The following NHSL1 variants were observed in gnomAD, a reference collection of about 807,000 sequenced individuals.
The protein encoded by NHSL1 is NHS like 1.
Under a neutral mutation model 95.0 loss-of-function variants are expected in NHSL1, and 48 were observed. That is an observed-to-expected ratio of 0.51 (90% CI 0.40 to 0.64). The LOEUF is 0.64. Among genes scored for constraint, NHSL1 ranks in the 30% least tolerant of loss-of-function variants. The probability of loss-of-function intolerance (pLI) is 0.00; values close to 1 mark genes in which losing one functional copy is unlikely to be tolerated. For missense variants in NHSL1, 1,971 were observed against 2,077.7 expected (o/e 0.95, Z 1.00); for synonymous variants, 783 against 833.9 (o/e 0.94, Z 1.05).
intron 2 of NHSL1, among the ~76,000 whole-genome samples, chr6:138,483,125 G>T (rs1254969431): frequency 6.6e-6 from 1 of 152,196 alleles, no homozygotes; most frequent in Non-Finnish European, 1.5e-5. Context: ...AAATTAAAGG[G>T]ATCAACATGA....
intron 1 of NHSL1, among the ~76,000 whole-genome samples, chr6:138,633,581 G>A (rs1302163102): frequency 1.3e-5 from 2 of 152,162 alleles, no homozygotes; most frequent in African/African-American, 2.4e-5. Flanking sequence ...AGTATACCTG[G>A]TGAAATATTC....
upstream of NHSL1, among the ~76,000 whole-genome samples, chr6:138,549,778 T>TA (rs1273666738): frequency 6.6e-6 from 1 of 152,182 alleles, no homozygotes; most frequent in Non-Finnish European, 1.5e-5. Context: ...CCCTTGTACT[T>TA]ACTGCAGCAA....
intron 1 of NHSL1, among the ~76,000 whole-genome samples, chr6:138,663,057 C>T (rs1406914210): frequency 3.7e-5 from 1 of 27,236 alleles, no homozygotes; most frequent in Non-Finnish European, 5.5e-5. Flanking sequence ...TCACCGAACT[C>T]ACGGCAAAAA....
intron 1 of NHSL1, among the ~76,000 whole-genome samples, chr6:138,498,307 G>A (rs764199126): frequency 2.2e-4 from 34 of 151,944 alleles, no homozygotes; most frequent in Non-Finnish European, 4.1e-4. Flanking sequence ...TCGCACCATC[G>A]GCCCCACTGC....
chr6:138,460,612 C>T (rs7762523), intron 3 of NHSL1, among the ~76,000 whole-genome samples: 20,552 of 151,412 alleles, frequency 0.14, 1,426 homozygotes, highest in Middle Eastern at 0.17. Flanking sequence ...GCAAATACTA[C>T]ATCATCTGAT....
rs1775063347 is a variant in NHSL1, at chr6:138,423,826, A to AAAAAAAAAAAAAAAAC, written c.*254_*255insGTTTTTTTTTTTTTTT. On this transcript the variant is annotated 3_prime_UTR_variant, in exon 8 of 8. Transcript: ENST00000343505. ...CACCCAGCATTTAGCAAAAAAAAAAAAAAAAAAAAAAAATCTTCCCCGGGA... is the reference window on the plus strand; with the variant it reads ...CACCCAGCATTTAGCAAAAAAAAAAAAAAAAAAAAAAAAAACAAAAAAAAAAAAATCTTCCCCGGGA... 3.1e-6 allele frequency: 1 copy of AAAAAAAAAAAAAAAAC among 322,642 alleles called. No individual in the cohort carries two copies. Among genetic ancestry groups the AAAAAAAAAAAAAAAAC allele is most frequent in the African/African-American group, 2.1e-5 (1 of 46,512 alleles). 20.0% of individuals were successfully genotyped at this position (322,642 alleles called of 1,614,324 possible).
chr6:138,586,970 C>T (rs1319378177), intron 1 of NHSL1, among the ~76,000 whole-genome samples: 1 of 151,324 alleles, frequency 6.6e-6, no homozygotes, highest in Non-Finnish European at 1.5e-5. Flanking sequence ...TCTCGTTGGG[C>T]GCGTGTGTTT....
At chr6:138,555,218 T>C (rs1783153125) in intron 1 of NHSL1, among the ~76,000 whole-genome samples, 1 of 152,212 alleles carries the variant, frequency 6.6e-6, no homozygotes, top group African/African-American at 2.4e-5. Flanking sequence ...ACCTCTCTCT[T>C]TCTCTTTCTC....
rs1219864635 is a variant in NHSL1, at chr6:138,447,146, TCTC to T, written c.384_386del (p.Arg129del). On this transcript the variant is annotated inframe_deletion, in exon 4 of 8. Transcript: ENST00000343505. Reference sequence around the variant, plus strand: ...AGTCACTTGAGGCTGGTGTTTTAGGTCTCCTGATGGAAATAAATCTTTCTTCTT... The same window carrying T: ...AGTCACTTGAGGCTGGTGTTTTAGGTCTGATGGAAATAAATCTTTCTTCTT... 6.4e-7 allele frequency: 1 copy of T among 1,551,626 alleles called. No homozygotes were observed. The highest frequency in any genetic ancestry group is 2.4e-5 in the East Asian group (1 of 40,926).
chr6:138,525,316 G>A (rs942267846), intron 1 of NHSL1, among the ~76,000 whole-genome samples: 6 of 151,980 alleles, frequency 3.9e-5, no homozygotes, highest in Non-Finnish European at 7.4e-5. Context: ...TCTTGAGCCC[G>A]GGAGTTGGAG....
intron 1 of NHSL1, among the ~76,000 whole-genome samples, chr6:138,578,725 C>G (rs1490526859): frequency 6.6e-6 from 1 of 151,882 alleles, no homozygotes; most frequent in African/African-American, 2.4e-5. Flanking sequence ...GTATTAAGCA[C>G]TTAAAATCAT....
chr6:138,528,370 A>T (rs1781998974), intron 1 of NHSL1, among the ~76,000 whole-genome samples: 3 of 152,194 alleles, frequency 2.0e-5, no homozygotes, highest in Admixed American at 2.0e-4. Context: ...ATATGAGTTG[A>T]CAACTGTACC....
chr6:138,500,657 C>T (rs192764227), upstream of NHSL1, among the ~76,000 whole-genome samples: 1 of 151,250 alleles, frequency 6.6e-6, no homozygotes, highest in Non-Finnish European at 1.5e-5. Context: ...ATATAAGGGG[C>T]TCTGTCTAGG....
Position 138,424,480 on chromosome 6 carries a change from C to T in NHSL1, c.4422G>A (p.Arg1474=). 6.4e-7 allele frequency: 1 copy of T among 1,551,620 alleles called. No homozygotes were observed. Among genetic ancestry groups the T allele is most frequent in the Non-Finnish European group, 8.7e-7 (1 of 1,146,966 alleles). The change falls in exon 8 of 8, where the codon AGG becomes AGA. Residue 1474 remains arginine (R), a synonymous_variant. Transcript: ENST00000343505. This position sits in a 1 kb window ranked among gnomAD's most constrained non-coding sequence, Gnocchi z 5.9. Reference sequence around the variant, plus strand: ...CGTTCTTGGCCCACTCCTCCTGCGCCCTTCTGTTCTTGCTTGGGGAGCAGC... The same window carrying T: ...CGTTCTTGGCCCACTCCTCCTGCGCTCTTCTGTTCTTGCTTGGGGAGCAGC... ...PSSCSPSKNR[R]AQEEWAKNEG...
At chr6:138,522,709 G>T (rs759437205) in intron 1 of NHSL1, among the ~76,000 whole-genome samples, 1 of 152,086 alleles carries the variant, frequency 6.6e-6, no homozygotes, top group Non-Finnish European at 1.5e-5. Context: ...TACTCAGAAG[G>T]CTGAGCTAGG....
chr6:138,521,593 G>A (rs1781686655), intron 1 of NHSL1, among the ~76,000 whole-genome samples: 1 of 152,140 alleles, frequency 6.6e-6, no homozygotes, highest in Admixed American at 6.5e-5. Flanking sequence ...GGAAGAGTTG[G>A]TCTCTGTCAC....
intron 2 of NHSL1, among the ~76,000 whole-genome samples, chr6:138,482,372 G>C (rs1779470414): frequency 6.6e-6 from 1 of 151,688 alleles, no homozygotes; most frequent in Admixed American, 6.6e-5. Flanking sequence ...CTTGAACCCG[G>C]GAGGCGGAGG....
Position 138,582,470 on chromosome 6 carries a change from G to A in NHSL1, c.97-86099C>T, listed in dbSNP as rs937284278. Among the ~76,000 whole-genome samples, 19 of 152,226 alleles carry A rather than the reference G, an allele frequency of 1.2e-4. 1 individual carries two copies. Among genetic ancestry groups the A allele is most frequent in the African/African-American group, 3.9e-4 (16 of 41,528 alleles). On this transcript the variant is annotated intron_variant, in intron 1 of 3. Transcript: ENST00000491526. ...AGCAAATAGTCATAATGACCCATTT[G>A]CTTTCAGTCACCCTGTTCTAGACAG...
chr6:138,493,608 T>TA (rs1719718010), intron 2 of NHSL1, among the ~76,000 whole-genome samples: 1 of 152,230 alleles, frequency 6.6e-6, no homozygotes, highest in African/African-American at 2.4e-5. Context: ...CCAGACCATG[T>TA]AGTGCTCTGT....
Sources: gnomAD v4.1 joint callset for allele counts (sites outside exome capture counted in the v4.1 genomes callset) on GRCh38, gnomAD v4.1.1 for gene constraint, Gnocchi (gnomAD v3.1) non-coding constraint, MANE v1.5 for transcripts, NCBI Gene and HGNC (gene_info 2026-07-23, HGNC 2026-07-21) for gene names.